Variants in SEMA6D observed in about 807,000 individuals in gnomAD.
The protein encoded by SEMA6D is semaphorin-6D.
In SEMA6D, 35 loss-of-function variants were observed where a neutral mutation model predicts 106.6. The ratio of observed to expected loss-of-function variants is 0.33; its 90% CI spans 0.25 to 0.44. SEMA6D has a LOEUF of 0.44. Ranked by LOEUF, SEMA6D falls within the 20% of genes least tolerant of loss-of-function variation. The probability of loss-of-function intolerance (pLI) is 1.00; values close to 1 mark genes in which losing one functional copy is unlikely to be tolerated. For missense variants in SEMA6D, 1,185 were observed against 1,345.9 expected (o/e 0.88, Z 1.87); for synonymous variants, 499 against 487.7 (o/e 1.02, Z -0.31).
rs2034927368 is a variant in SEMA6D, at chr15:47,278,179, A to C, written c.-239+93761A>C. ...TATTTCTAGTTCTAGATCCCTGAGG[A>C]ATTGCCACACTGACTTCCACAGTGG... On this transcript the variant is annotated intron_variant, in intron 1 of 19. Transcript: ENST00000558014. Among the ~76,000 whole-genome samples the C allele has an allele frequency of 5.3e-5, 8 of 152,100 alleles. No homozygotes were observed. In the South Asian group the frequency reaches 1.7e-3, roughly 32 times the overall value.
At chr15:47,252,415 A>G (rs1299028958) in intron 1 of SEMA6D, among the ~76,000 whole-genome samples, 1 of 152,084 alleles carries the variant, frequency 6.6e-6, no homozygotes, top group African/African-American at 2.4e-5. Context: ...TTCATGATTT[A>G]CTTTTCTAAC....
intron 4 of SEMA6D, among the ~76,000 whole-genome samples, chr15:47,667,096 A>C (rs190275005): frequency 1.6e-4 from 25 of 152,294 alleles, no homozygotes; most frequent in Non-Finnish European, 3.2e-4. Context: ...CGTCTTCCCT[A>C]CTGAAGCACC....
intron 3 of SEMA6D, among the ~76,000 whole-genome samples, chr15:47,521,140 C>T (rs2044560264): frequency 1.3e-5 from 2 of 152,150 alleles, no homozygotes; most frequent in Admixed American, 1.3e-4. Context: ...AGACGTGGGT[C>T]AACATGGACT....
At chr15:47,560,053 T>C (rs2046031898) in intron 3 of SEMA6D, among the ~76,000 whole-genome samples, 3 of 152,068 alleles carry the variant, frequency 2.0e-5, no homozygotes, top group Admixed American at 2.0e-4. Context: ...ACAGATATAG[T>C]CTATGTAAAT....
rs558142167 is a variant in SEMA6D, at chr15:47,662,851, A to G, written c.-55+61955A>G. 4.1e-3 allele frequency among the ~76,000 whole-genome samples: 466 copies of G among 114,456 alleles called. 1 individual carries two copies. The highest frequency in any genetic ancestry group is 0.015 in the African/African-American group (448 of 30,834). 75.1% of individuals were successfully genotyped at this position (114,456 alleles called of 152,430 possible). A position where few individuals can be genotyped will look rare whatever the true frequency, so the allele number is the denominator to read the frequency against. On this transcript the variant is annotated intron_variant, in intron 4 of 19. Transcript: ENST00000558014. ...GTAAGCAGTCATTATTCATGCGTGT[A>G]TGAGCGCACACACACACACACACAC... is the stretch of plus-strand genomic sequence containing the variant.
In SEMA6D at chr15:47,354,049, TTCTC is replaced by T. The variant is rs146190181; in HGVS notation, c.-238-58332_-238-58329del. ...TCATCCCCACTTATAAGCTCTCTCA[TTCTC>T]TCTCTCTCTCTACATATATATATGT... On this transcript the variant is annotated intron_variant, in intron 1 of 19. Coordinates refer to the SEMA6D transcript ENST00000558014. Among the ~76,000 whole-genome samples the T allele has an allele frequency of 4.6e-3, 688 of 150,244 alleles. 4 individuals carry two copies. Among genetic ancestry groups the T allele is most frequent in the African/African-American group, 0.016 (655 of 41,088 alleles).
rs138358750 is a variant in SEMA6D at position 47,543,291 on chromosome 15, G to A, written c.-86-57574G>A. Among the ~76,000 whole-genome samples, 635 of 152,262 alleles carry A rather than the reference G, an allele frequency of 4.2e-3. 4 individuals carry two copies. Among genetic ancestry groups the A allele is most frequent in the African/African-American group, 0.015 (608 of 41,542 alleles). ...CACCTCGAATTGTAATAATCCCCATGTGTCAAGGGTGGGGCCAGGTGAAGA... is the reference window on the plus strand; with the variant it reads ...CACCTCGAATTGTAATAATCCCCATATGTCAAGGGTGGGGCCAGGTGAAGA... On this transcript the variant is annotated intron_variant, in intron 3 of 19. Transcript: ENST00000558014.
intron 4 of SEMA6D, among the ~76,000 whole-genome samples, chr15:47,653,770 A>C (rs1338098839): frequency 6.6e-6 from 1 of 152,244 alleles, no homozygotes; most frequent in Non-Finnish European, 1.5e-5. Context: ...GCCGCATAGT[A>C]AACAGCCACC....
At chr15:47,478,900 A>G (rs562603020) in intron 3 of SEMA6D, among the ~76,000 whole-genome samples, 2 of 152,268 alleles carry the variant, frequency 1.3e-5, no homozygotes, top group Admixed American at 6.5e-5. Flanking sequence ...GAGGCAGGCA[A>G]GAGAGAGTGT....
intron 4 of SEMA6D, among the ~76,000 whole-genome samples, chr15:47,640,718 A>C (rs1296099820): frequency 2.6e-5 from 4 of 152,160 alleles, no homozygotes; most frequent in Non-Finnish European, 5.9e-5. Flanking sequence ...GTTGAAGCAA[A>C]AGTGTTGTTA....
At chr15:47,758,609 T>C (rs1477335750) in intron 1 of SEMA6D, among the ~76,000 whole-genome samples, 1 of 152,226 alleles carries the variant, frequency 6.6e-6, no homozygotes, top group African/African-American at 2.4e-5. Flanking sequence ...TGTGTTTTGA[T>C]AGCTTTATTG....
chr15:47,259,808 A>T (rs1419598293), intron 1 of SEMA6D, among the ~76,000 whole-genome samples: 2 of 152,058 alleles, frequency 1.3e-5, no homozygotes, highest in African/African-American at 4.8e-5. Context: ...CATTGATGAT[A>T]TGAGTGTTGG....
At chr15:47,245,942 A>G (rs1334517426) in intron 1 of SEMA6D, among the ~76,000 whole-genome samples, 1 of 152,110 alleles carries the variant, frequency 6.6e-6, no homozygotes, top group African/African-American at 2.4e-5. Flanking sequence ...AATCATAAAC[A>G]TGCTTCGTGG....
chr15:47,597,301 A>G (rs1045638125), intron 3 of SEMA6D, among the ~76,000 whole-genome samples: 10 of 152,036 alleles, frequency 6.6e-5, no homozygotes, highest in Admixed American at 1.3e-4. Context: ...ATTATTGAAA[A>G]CTGTGGACAT....
At chr15:47,382,145 T>G (rs2039659922) in intron 1 of SEMA6D, among the ~76,000 whole-genome samples, 1 of 152,150 alleles carries the variant, frequency 6.6e-6, no homozygotes, top group African/African-American at 2.4e-5. Context: ...AGAAATACAG[T>G]AATAGTATTA....
At chr15:47,698,849 C>T (rs1203037984) in intron 4 of SEMA6D, among the ~76,000 whole-genome samples, 1 of 152,138 alleles carries the variant, frequency 6.6e-6, no homozygotes, top group Non-Finnish European at 1.5e-5. Context: ...TTACTTGCCT[C>T]CCATGAACTA....
At chr15:47,730,016 A>G (rs2080012466) in intron 1 of SEMA6D, 1 of 543,010 alleles carries the variant, frequency 1.8e-6, no homozygotes, top group African/African-American at 1.9e-5. Flanking sequence ...AGTTCTTTCT[A>G]GTAGTGAGAT....
chr15:47,401,404 A>G (rs770232526), intron 1 of SEMA6D, among the ~76,000 whole-genome samples: 8 of 152,178 alleles, frequency 5.3e-5, no homozygotes, highest in Non-Finnish European at 1.0e-4. Context: ...CATTTTATAG[A>G]TGAGAAAAAA....
intron 1 of SEMA6D, among the ~76,000 whole-genome samples, chr15:47,356,634 T>A (rs1463946897): frequency 6.6e-6 from 1 of 151,726 alleles, no homozygotes; most frequent in Non-Finnish European, 1.5e-5. Context: ...CATGCCTTCA[T>A]CCCTCTCATT....
Sources: gnomAD v4.1 joint callset for allele counts (sites outside exome capture counted in the v4.1 genomes callset) on GRCh38, gnomAD v4.1.1 for gene constraint, MANE v1.5 for transcripts, NCBI Gene and HGNC (gene_info 2026-07-23, HGNC 2026-07-21) for gene names.